CRPPA: variants seen among roughly 807,000 people sequenced by gnomAD.
The protein encoded by CRPPA is CDP-L-ribitol pyrophosphorylase A.
Under a neutral mutation model 52.0 loss-of-function variants are expected in CRPPA, and 43 were observed. That is an observed-to-expected ratio of 0.83 (90% CI 0.65 to 1.07). The LOEUF (loss-of-function observed/expected upper bound fraction) is 1.07. Among genes scored for constraint, CRPPA ranks in the 50% least tolerant of loss-of-function variants. The probability of loss-of-function intolerance (pLI) is 0.00; values close to 1 mark genes in which losing one functional copy is unlikely to be tolerated. For missense variants in CRPPA, 629 were observed against 551.7 expected (o/e 1.14, Z -1.40); for synonymous variants, 250 against 203.5 (o/e 1.23, Z -1.94).
chr7:16,188,042 AT>A (rs34518390), intron 9 of CRPPA, among the ~76,000 whole-genome samples: 44,618 of 115,424 alleles, frequency 0.39, 8,699 homozygotes, highest in Admixed American at 0.5. Context: ...ATTTGGGTGA[AT>A]TTTTTTTTTT....
chr7:16,398,790 A>G (rs562699452), intron 2 of CRPPA, among the ~76,000 whole-genome samples: 1 of 152,232 alleles, frequency 6.6e-6, no homozygotes, highest in Non-Finnish European at 1.5e-5. Context: ...CTTGACTGAC[A>G]CGTGATTAAC....
chr7:16,257,837 T>C (rs1405622166), intron 8 of CRPPA, among the ~76,000 whole-genome samples: 3 of 152,134 alleles, frequency 2.0e-5, no homozygotes, highest in African/African-American at 7.2e-5. Context: ...TATAGTTTAA[T>C]GGGCTAATCA....
At chr7:16,224,590 C>T (rs1782601645) in intron 8 of CRPPA, among the ~76,000 whole-genome samples, 1 of 152,002 alleles carries the variant, frequency 6.6e-6, no homozygotes, top group South Asian at 2.1e-4. Flanking sequence ...GGTAGATAAA[C>T]CAGAGAGATT....
At chr7:16,129,286 GT>G (rs569279240) in intron 9 of CRPPA, among the ~76,000 whole-genome samples, 1 of 151,888 alleles carries the variant, frequency 6.6e-6, no homozygotes, top group Non-Finnish European at 1.5e-5. Flanking sequence ...TATTCATTCT[GT>G]TCCTCTGCCT....
At chr7:16,232,857 C>T (rs576969719) in intron 8 of CRPPA, among the ~76,000 whole-genome samples, 27 of 151,856 alleles carry the variant, frequency 1.8e-4, no homozygotes, top group Non-Finnish European at 2.8e-4. Flanking sequence ...AAAATATGGC[C>T]GATTATGAGG....
chr7:16,098,146 A>T (rs1781971201), intron 9 of CRPPA, among the ~76,000 whole-genome samples: 1 of 152,188 alleles, frequency 6.6e-6, no homozygotes. Context: ...ATTTATGTGG[A>T]TTTGGTGGAA....
At chr7:16,207,994 C>A (rs1782013624) in intron 9 of CRPPA, among the ~76,000 whole-genome samples, 1 of 152,090 alleles carries the variant, frequency 6.6e-6, no homozygotes. Context: ...CTGGAAATAC[C>A]TTTCTACAAC....
intron 5 of CRPPA, among the ~76,000 whole-genome samples, chr7:16,301,112 G>C (rs1234437346): frequency 6.6e-6 from 1 of 152,156 alleles, no homozygotes; most frequent in African/African-American, 2.4e-5. Context: ...AAAATGAGGT[G>C]AGACCTTTAC....
intron 9 of CRPPA, among the ~76,000 whole-genome samples, chr7:16,101,261 C>A (rs778589388): frequency 6.6e-6 from 1 of 152,098 alleles, no homozygotes; most frequent in East Asian, 1.9e-4. Flanking sequence ...TGGTAGAATT[C>A]GGCTGTGAAT....
chr7:16,313,850 T>G (rs1037364819), intron 3 of CRPPA, among the ~76,000 whole-genome samples: 5 of 152,080 alleles, frequency 3.3e-5, no homozygotes, highest in Non-Finnish European at 5.9e-5. Flanking sequence ...TTTAATTTCA[T>G]TGAAGTCTGA....
chr7:16,208,408 C>A (rs1782024776), intron 9 of CRPPA, among the ~76,000 whole-genome samples: 1 of 152,148 alleles, frequency 6.6e-6, no homozygotes, highest in Admixed American at 6.5e-5. Context: ...CTTTCAAATA[C>A]ATGAGTTGGA....
At chr7:16,222,452 A>G (rs886715627) in intron 8 of CRPPA, among the ~76,000 whole-genome samples, 5 of 152,002 alleles carry the variant, frequency 3.3e-5, no homozygotes, top group African/African-American at 4.8e-5. Context: ...AATTAAAAAA[A>G]AAAAAGAAAA....
intron 3 of CRPPA, among the ~76,000 whole-genome samples, chr7:16,366,836 G>A (rs945953168): frequency 2.0e-5 from 3 of 149,512 alleles, no homozygotes; most frequent in East Asian, 1.9e-4. Flanking sequence ...ATAGGAAGAC[G>A]CATGACCGTG....
intron 6 of CRPPA, among the ~76,000 whole-genome samples, chr7:16,275,186 A>G (rs1021513045): frequency 1.3e-5 from 2 of 152,202 alleles, no homozygotes; most frequent in Non-Finnish European, 1.5e-5. Flanking sequence ...ACAGAAAACA[A>G]CAAAATCATC....
chr7:16,290,967 G>T (rs1364105605), intron 5 of CRPPA, among the ~76,000 whole-genome samples: 1 of 151,858 alleles, frequency 6.6e-6, no homozygotes, highest in Non-Finnish European at 1.5e-5. Flanking sequence ...GTAGGCAAAG[G>T]ACACGAATAG....
intron 2 of CRPPA, among the ~76,000 whole-genome samples, chr7:16,389,922 A>ATATATATATATATATATATAT (rs1163713598): frequency 1.6e-5 from 1 of 62,260 alleles, no homozygotes; most frequent in Non-Finnish European, 3.0e-5. Flanking sequence ...ACAAAAAAAA[A>ATATATATATATATATATATAT]AAAAAAATAT....
chr7:16,225,519 T>C (rs1782624243), intron 8 of CRPPA, among the ~76,000 whole-genome samples: 1 of 151,986 alleles, frequency 6.6e-6, no homozygotes, highest in Admixed American at 6.6e-5. Flanking sequence ...GTTCATTTAC[T>C]TTCTCCAAGA....
intron 9 of CRPPA, among the ~76,000 whole-genome samples, chr7:16,196,120 T>C (rs1052385645): frequency 6.6e-6 from 1 of 152,192 alleles, no homozygotes; most frequent in Non-Finnish European, 1.5e-5. Flanking sequence ...TATAGAAATA[T>C]AGAACATATA....
chr7:16,146,135 T>G (rs1263328830), intron 9 of CRPPA, among the ~76,000 whole-genome samples: 1 of 151,994 alleles, frequency 6.6e-6, no homozygotes, highest in Admixed American at 6.6e-5. Flanking sequence ...AGCAGAAACC[T>G]TTCAAGCCAA....
Sources: gnomAD v4.1 joint callset for allele counts (sites outside exome capture counted in the v4.1 genomes callset) on GRCh38, gnomAD v4.1.1 for gene constraint, MANE v1.5 for transcripts, NCBI Gene and HGNC (gene_info 2026-07-23, HGNC 2026-07-21) for gene names.